The following ANKFN1 variants were observed in gnomAD, a reference collection of about 807,000 sequenced individuals.
ANKFN1 encodes ankyrin repeat and fibronectin type III domain containing 1.
Under a neutral mutation model 108.7 loss-of-function variants are expected in ANKFN1, and 74 were observed. The ratio of observed to expected loss-of-function variants is 0.68; its 90% CI spans 0.56 to 0.83. The LOEUF (loss-of-function observed/expected upper bound fraction) is 0.83. ANKFN1 is among the 40% of genes least tolerant of loss of function. The pLI, the probability that ANKFN1 is intolerant of heterozygous loss-of-function variation, is 0.00. For missense variants in ANKFN1, 1,505 were observed against 1,382.3 expected, an observed-to-expected ratio of 1.09 and a Z score of -1.41; for synonymous variants, 547 against 516.2, an observed-to-expected ratio of 1.06 and a Z score of -0.81.
At chr17:56,382,919 A>G (rs1047597432) in intron 8 of ANKFN1, among the ~76,000 whole-genome samples, 3 of 152,214 alleles carry the variant, frequency 2.0e-5, no homozygotes, top group African/African-American at 7.2e-5. Flanking sequence ...AGAAAGATCA[A>G]TGAGACAGGA....
intron 8 of ANKFN1, among the ~76,000 whole-genome samples, chr17:56,436,837 CAAAAAAA>C (rs965424286): frequency 1.3e-5 from 1 of 79,170 alleles, no homozygotes; most frequent in Admixed American, 1.5e-4. Context: ...AACTCCATCT[CAAAAAAA>C]AAAAAAAAAA....
At chr17:56,109,532 T>A (rs1905840410) in intron 4 of ANKFN1, among the ~76,000 whole-genome samples, 1 of 152,014 alleles carries the variant, frequency 6.6e-6, no homozygotes, top group African/African-American at 2.4e-5. Context: ...CACCCCTGGT[T>A]GAGAATCACT....
chr17:56,417,142 C>T (rs936780832), intron 8 of ANKFN1, among the ~76,000 whole-genome samples: 9 of 151,884 alleles, frequency 5.9e-5, no homozygotes, highest in Non-Finnish European at 1.0e-4. Flanking sequence ...TGAATAAGAC[C>T]TCGTATTTGA....
intron 20 of ANKFN1, among the ~76,000 whole-genome samples, chr17:56,499,709 C>T (rs1402091535): frequency 1.3e-5 from 2 of 152,116 alleles, no homozygotes; most frequent in African/African-American, 2.4e-5. Context: ...TAGCAAGGCA[C>T]CTCTCCACCC....
chr17:56,091,121 T>G (rs1191921086), intron 4 of ANKFN1, among the ~76,000 whole-genome samples: 1 of 150,982 alleles, frequency 6.6e-6, no homozygotes, highest in Non-Finnish European at 1.5e-5. Flanking sequence ...CTCAAAAAAT[T>G]CTTGTTGAAA....
chr17:56,236,375 G>A (rs185329981), intron 3 of ANKFN1, among the ~76,000 whole-genome samples: 111 of 152,066 alleles, frequency 7.3e-4, no homozygotes, highest in Non-Finnish European at 1.2e-3. Flanking sequence ...TTTGAACAAT[G>A]CTTTGTAGTT....
At chr17:56,189,253 C>A (rs1372316710) in intron 1 of ANKFN1, among the ~76,000 whole-genome samples, 5 of 133,720 alleles carry the variant, frequency 3.7e-5, no homozygotes, top group South Asian at 2.5e-4. Flanking sequence ...TCACTGCAAG[C>A]TCCGCCTCCC....
intron 3 of ANKFN1, chr17:56,228,168 G>A: frequency 2.0e-6 from 1 of 488,892 alleles, no homozygotes; most frequent in Non-Finnish European, 3.6e-6. Context: ...AATTGTGGTT[G>A]TGACAATATT....
intron 8 of ANKFN1, among the ~76,000 whole-genome samples, chr17:56,385,006 C>T (rs1278057941): frequency 2.6e-5 from 4 of 151,280 alleles, no homozygotes; most frequent in Admixed American, 6.6e-5. Flanking sequence ...GAGCCCGCAT[C>T]GCCAAGTCAA....
intron 6 of ANKFN1, among the ~76,000 whole-genome samples, chr17:56,360,796 G>A (rs1317736764): frequency 2.0e-5 from 3 of 151,952 alleles, no homozygotes; most frequent in Non-Finnish European, 4.4e-5. Flanking sequence ...CTGGTTTTTT[G>A]CTTTAAAATA....
intron 14 of ANKFN1, among the ~76,000 whole-genome samples, chr17:56,459,678 G>A (rs1029958934): frequency 3.3e-5 from 5 of 152,144 alleles, no homozygotes; most frequent in African/African-American, 1.2e-4. Context: ...AGAATTTCAA[G>A]GGGGGCTCTT....
intron 8 of ANKFN1, among the ~76,000 whole-genome samples, chr17:56,419,994 T>G (rs1450001483): frequency 6.6e-6 from 1 of 152,056 alleles, no homozygotes; most frequent in South Asian, 2.1e-4. Flanking sequence ...TCCAGCTTCA[T>G]CTCCTACCAT....
chr17:56,189,263 C>A (rs943119351), intron 1 of ANKFN1, among the ~76,000 whole-genome samples: 4 of 142,052 alleles, frequency 2.8e-5, no homozygotes, highest in Non-Finnish European at 6.0e-5. Flanking sequence ...CTCCGCCTCC[C>A]GGGTTCACGC....
intron 4 of ANKFN1, among the ~76,000 whole-genome samples, chr17:56,146,745 T>C (rs925599134): frequency 6.6e-6 from 1 of 152,140 alleles, no homozygotes; most frequent in African/African-American, 2.4e-5. Flanking sequence ...TTTTACCCCC[T>C]GGCCTCCAAG....
intron 3 of ANKFN1, among the ~76,000 whole-genome samples, chr17:56,280,826 C>T (rs1181477780): frequency 2.0e-5 from 3 of 152,236 alleles, no homozygotes; most frequent in South Asian, 2.1e-4. Flanking sequence ...TTGGCTATGT[C>T]CCCACCCAAA....
At chr17:56,184,420 A>G (rs1199036648) in intron 1 of ANKFN1, among the ~76,000 whole-genome samples, 1 of 152,186 alleles carries the variant, frequency 6.6e-6, no homozygotes, top group African/African-American at 2.4e-5. Flanking sequence ...TTTTTTAGAC[A>G]TAATGCTGTT....
At chr17:56,230,519 T>C (rs575894358) in intron 3 of ANKFN1, among the ~76,000 whole-genome samples, 69 of 152,240 alleles carry the variant, frequency 4.5e-4, no homozygotes, top group African/African-American at 1.6e-3. Flanking sequence ...GTCCTTGGGA[T>C]TCTGGTGGCA....
upstream of ANKFN1, among the ~76,000 whole-genome samples, chr17:56,153,154 G>A (rs553334994): frequency 3.6e-4 from 55 of 151,836 alleles, no homozygotes; most frequent in South Asian, 2.1e-4. Context: ...ATATACTTTC[G>A]AATCCCACCC....
At chr17:56,446,921 C>CA (rs1426990464) in intron 10 of ANKFN1, among the ~76,000 whole-genome samples, 1 of 149,344 alleles carries the variant, frequency 6.7e-6, no homozygotes, top group Non-Finnish European at 1.5e-5. Flanking sequence ...AAAACAAAAA[C>CA]AAAAACCTCA....
Sources: gnomAD v4.1 joint callset for allele counts (sites outside exome capture counted in the v4.1 genomes callset) on GRCh38, gnomAD v4.1.1 for gene constraint, MANE v1.5 for transcripts, NCBI Gene and HGNC (gene_info 2026-07-23, HGNC 2026-07-21) for gene names.